RTL4: variants seen among roughly 807,000 people sequenced by gnomAD.
RTL4 encodes the protein retrotransposon Gag-like protein 4.
Under a neutral mutation model 5.3 loss-of-function variants are expected in RTL4, and 4 were observed. The observed-to-expected ratio is 0.75, with a 90% CI of 0.37 to 1.72. RTL4 has a LOEUF of 1.72. Ranked by LOEUF, RTL4 falls within the 40% of genes most tolerant of loss-of-function variation. The pLI is 0.04. For synonymous variants in RTL4, 98 were observed against 87.3 expected (o/e 1.12, Z -0.68); for missense variants, 260 against 227.1 (o/e 1.14, Z -0.93).
chrX:112,250,811 A>C, the RTL4 span, among the ~76,000 whole-genome samples: 1 of 112,365 alleles, frequency 8.9e-6, no homozygotes, highest in African/African-American at 3.2e-5. Flanking sequence ...CCTGCAGCTT[A>C]TTTTAAATTA....
At chrX:112,454,937 A>G (rs770075769) in exon 1 of RTL4, 4 of 1,208,453 alleles carry the variant, frequency 3.3e-6, no homozygotes, top group African/African-American at 1.8e-5. Flanking sequence ...GACCCTGCCA[A>G]TTGCTCAGAG....
At chrX:112,282,409 T>C in the RTL4 span, among the ~76,000 whole-genome samples, 1 of 112,223 alleles carries the variant, frequency 8.9e-6, no homozygotes, top group Admixed American at 9.4e-5. Flanking sequence ...CTATACTACC[T>C]TGAAGTCAAG....
At chrX:112,333,420 T>C in the RTL4 span, among the ~76,000 whole-genome samples, 2 of 111,467 alleles carry the variant, frequency 1.8e-5, no homozygotes, top group Non-Finnish European at 3.8e-5. Context: ...AGGAGATAGA[T>C]AGGCTAATTT....
chrX:112,171,033 T>C, the RTL4 span, among the ~76,000 whole-genome samples: 1 of 112,282 alleles, frequency 8.9e-6, no homozygotes, highest in South Asian at 3.7e-4. Flanking sequence ...GTTCTGTTTA[T>C]GTAATTAATT....
chrX:112,084,882 A>G, the RTL4 span, among the ~76,000 whole-genome samples: 39 of 111,985 alleles, frequency 3.5e-4, no homozygotes, highest in African/African-American at 1.1e-3. Flanking sequence ...TGGACTGTGG[A>G]TAAGGTTAAA....
chrX:112,445,026 A>G, the RTL4 span, among the ~76,000 whole-genome samples: 1 of 111,871 alleles, frequency 8.9e-6, no homozygotes, highest in East Asian at 2.8e-4. Flanking sequence ...GCTAAGCCTT[A>G]TTGAAAATAT....
chrX:112,236,911 G>A, the RTL4 span, among the ~76,000 whole-genome samples: 1 of 111,232 alleles, frequency 9.0e-6, no homozygotes, highest in Non-Finnish European at 1.9e-5. Flanking sequence ...TGTCACAAGG[G>A]TCCTCATAAG....
chrX:112,245,627 G>A, the RTL4 span, among the ~76,000 whole-genome samples: 3 of 110,319 alleles, frequency 2.7e-5, no homozygotes, highest in Non-Finnish European at 3.8e-5. Context: ...TATCTTCCTC[G>A]CAATGGGTTT....
chrX:112,417,864 A>G, the RTL4 span, among the ~76,000 whole-genome samples: 4 of 112,037 alleles, frequency 3.6e-5, no homozygotes, highest in Non-Finnish European at 5.6e-5. Flanking sequence ...AAAATGTTCT[A>G]AAATTGATTG....
the RTL4 span, among the ~76,000 whole-genome samples, chrX:112,331,829 T>TA: frequency 1.1e-5 from 1 of 92,701 alleles, no homozygotes; most frequent in South Asian, 5.6e-4. Flanking sequence ...TATGCAGCCA[T>TA]AAAAAATGAT....
the RTL4 span, among the ~76,000 whole-genome samples, chrX:112,127,000 A>C: frequency 8.9e-6 from 1 of 112,259 alleles, no homozygotes. Context: ...ACATTTAAAG[A>C]AAAATTAACA....
At chrX:112,299,865 G>A in the RTL4 span, among the ~76,000 whole-genome samples, 1 of 110,925 alleles carries the variant, frequency 9.0e-6, no homozygotes, top group Admixed American at 9.6e-5. Flanking sequence ...ATTTAGTGAT[G>A]AGGTTTTTCA....
At chrX:112,164,447 G>A in the RTL4 span, among the ~76,000 whole-genome samples, 1 of 111,978 alleles carries the variant, frequency 8.9e-6, no homozygotes, top group Non-Finnish European at 1.9e-5. Flanking sequence ...TATTAGGTAA[G>A]CCAAATCTCA....
chrX:112,441,814 G>T, the RTL4 span, among the ~76,000 whole-genome samples: 1 of 111,990 alleles, frequency 8.9e-6, no homozygotes. Flanking sequence ...GAAAATTTAT[G>T]TAGACATGCA....
At chrX:112,310,901 A>G in the RTL4 span, among the ~76,000 whole-genome samples, 1 of 96,532 alleles carries the variant, frequency 1.0e-5, no homozygotes, top group African/African-American at 3.8e-5. Context: ...TTATTTTTAT[A>G]TATATGTATA....
chrX:112,244,181 G>T, the RTL4 span, among the ~76,000 whole-genome samples: 1 of 111,897 alleles, frequency 8.9e-6, no homozygotes, highest in Non-Finnish European at 1.9e-5. Context: ...TGTTGATTTG[G>T]GTTGGAGAGT....
the RTL4 span, among the ~76,000 whole-genome samples, chrX:112,200,239 C>T: frequency 1.8e-5 from 2 of 111,800 alleles, no homozygotes; most frequent in East Asian, 2.8e-4. Context: ...ACAGACTGTC[C>T]GTGCCAACAT....
At chrX:112,171,919 A>G in the RTL4 span, among the ~76,000 whole-genome samples, 4 of 112,488 alleles carry the variant, frequency 3.6e-5, no homozygotes, top group Non-Finnish European at 5.6e-5. Context: ...CAGAGTGAAC[A>G]GACAACCTAT....
At chrX:112,143,213 C>T in the RTL4 span, among the ~76,000 whole-genome samples, 4 of 111,321 alleles carry the variant, frequency 3.6e-5, no homozygotes, top group East Asian at 1.1e-3. Flanking sequence ...TATTAGGCTG[C>T]CGTAGGATAA....
Sources: allele counts gnomAD v4.1 joint callset (sites outside exome capture counted in the v4.1 genomes callset), GRCh38; gene constraint gnomAD v4.1.1; transcripts MANE v1.5; gene names NCBI Gene and HGNC (gene_info 2026-07-23, HGNC 2026-07-21).